The following TENM2 variants were observed in gnomAD, a reference collection of about 807,000 sequenced individuals.
TENM2 encodes teneurin transmembrane protein 2.
In TENM2, 52 loss-of-function variants were observed where a neutral mutation model predicts 245.2. The observed-to-expected ratio is 0.21, with a 90% CI of 0.17 to 0.27. The LOEUF (loss-of-function observed/expected upper bound fraction) is 0.27, where lower values mean the gene tolerates loss of function less well. Among genes scored for constraint, TENM2 ranks in the 10% least tolerant of loss-of-function variants. The probability of loss-of-function intolerance (pLI) is 1.00; values close to 1 mark genes in which losing one functional copy is unlikely to be tolerated. For synonymous variants in TENM2, 1,363 were observed against 1,438.9 expected, an observed-to-expected ratio of 0.95 and a Z score of 1.19; for missense variants, 3,046 against 3,666.8, an observed-to-expected ratio of 0.83 and a Z score of 4.37.
At chr5:167,945,321 CG>C (rs148552714) in intron 3 of TENM2, among the ~76,000 whole-genome samples, 3 of 151,236 alleles carry the variant, frequency 2.0e-5, no homozygotes, top group East Asian at 1.9e-4. Flanking sequence ...ATCAAGCACC[CG>C]GGGGGGGCAC....
intron 2 of TENM2, among the ~76,000 whole-genome samples, chr5:167,410,119 G>A (rs1414783156): frequency 6.6e-6 from 1 of 151,788 alleles, no homozygotes; most frequent in Non-Finnish European, 1.5e-5. Context: ...CAATTTTGTG[G>A]CCAGCATGAA....
chr5:167,767,160 A>G (rs562640967), intron 2 of TENM2, among the ~76,000 whole-genome samples: 2 of 152,364 alleles, frequency 1.3e-5, no homozygotes, highest in Admixed American at 6.5e-5. Flanking sequence ...GTGTTGGTCA[A>G]CAGATGACAG....
intron 2 of TENM2, among the ~76,000 whole-genome samples, chr5:167,688,617 A>G (rs1757228848): frequency 6.6e-6 from 1 of 152,240 alleles, no homozygotes; most frequent in African/African-American, 2.4e-5. Context: ...ACCATGTCCT[A>G]GAAAACTGAA....
intron 7 of TENM2, among the ~76,000 whole-genome samples, chr5:168,070,412 A>T (rs1458217453): frequency 6.6e-6 from 1 of 152,154 alleles, no homozygotes; most frequent in Non-Finnish European, 1.5e-5. Flanking sequence ...TTCCCAGATA[A>T]CTAGATCCTA....
At chr5:167,116,283 G>C in the TENM2 span, 1 of 152,240 alleles carries the variant, frequency 6.6e-6, no homozygotes, top group Non-Finnish European at 1.5e-5. Flanking sequence ...TCAGATTGCC[G>C]TACAGTTCCA....
chr5:168,121,883 C>T (rs959484837), intron 10 of TENM2, among the ~76,000 whole-genome samples: 1 of 152,164 alleles, frequency 6.6e-6, no homozygotes, highest in Non-Finnish European at 1.5e-5. Flanking sequence ...ATTAGAATTT[C>T]AGAATTTCCT....
At chr5:167,582,665 C>T (rs1490138436) in intron 2 of TENM2, among the ~76,000 whole-genome samples, 1 of 152,126 alleles carries the variant, frequency 6.6e-6, no homozygotes, top group African/African-American at 2.4e-5. Flanking sequence ...GATAAATGAA[C>T]ATTTACATGG....
At chr5:167,777,780 A>G (rs1024328522) in intron 2 of TENM2, among the ~76,000 whole-genome samples, 8 of 152,190 alleles carry the variant, frequency 5.3e-5, no homozygotes, top group Non-Finnish European at 1.5e-5. Flanking sequence ...AAAGGGGCTT[A>G]ATTTCTAAAC....
At chr5:168,177,126 T>C (rs1759432865) in intron 13 of TENM2, among the ~76,000 whole-genome samples, 1 of 152,192 alleles carries the variant, frequency 6.6e-6, no homozygotes, top group Non-Finnish European at 1.5e-5. Flanking sequence ...TACAGCTTGC[T>C]GGAGAAGCAT....
At chr5:168,154,164 A>AAAAAAAAAAAAAAAAAAAAAAC (rs1171979738) in intron 12 of TENM2, among the ~76,000 whole-genome samples, 2 of 150,656 alleles carry the variant, frequency 1.3e-5, no homozygotes, top group Admixed American at 6.6e-5. Flanking sequence ...AAAAAAAAAA[A>AAAAAAAAAAAAAAAAAAAAAAC]AACAGTAAGA....
the TENM2 span, among the ~76,000 whole-genome samples, chr5:167,060,122 G>C: frequency 6.6e-6 from 1 of 152,036 alleles, no homozygotes; most frequent in African/African-American, 2.4e-5. Flanking sequence ...CTGCAGCAAT[G>C]GATGTATCTT....
chr5:167,784,273 C>A (rs1457115025), intron 2 of TENM2, among the ~76,000 whole-genome samples: 1 of 152,038 alleles, frequency 6.6e-6, no homozygotes, highest in Non-Finnish European at 1.5e-5. Context: ...AATAGTGATG[C>A]CCTGAAGGGG....
At chr5:168,224,281 G>C (rs1763945436) in intron 23 of TENM2, among the ~76,000 whole-genome samples, 2 of 152,150 alleles carry the variant, frequency 1.3e-5, no homozygotes, top group Admixed American at 1.3e-4. Flanking sequence ...CCCCATGCCT[G>C]GGGCCCTGGG....
At chr5:168,006,330 G>A (rs964065071) in intron 5 of TENM2, among the ~76,000 whole-genome samples, 2 of 152,198 alleles carry the variant, frequency 1.3e-5, no homozygotes, top group Non-Finnish European at 2.9e-5. Context: ...GACTCTGGAA[G>A]GGTCCTGAGG....
Position 167,827,627 on chromosome 5 carries a change from G to GT in TENM2, c.503-48359_503-48358insT, listed in dbSNP as rs1480748821. On this transcript the variant is annotated intron_variant, in intron 2 of 28. Coordinates refer to ENST00000518659, the Ensembl canonical transcript of TENM2. ...TTTATTATGGCAAGGAGCTAGGTGG[G>GT]CGGGGGGGGGGGAACAGTTTAATGA... is the stretch of plus-strand genomic sequence containing the variant. Among the ~76,000 whole-genome samples the GT allele has an allele frequency of 9.0e-4, 100 of 110,670 alleles. 2 individuals carry two copies. The highest frequency in any genetic ancestry group is 2.9e-3 in the African/African-American group (90 of 30,858). The allele number at this position is 110,670 out of a possible 152,430, so 72.6% of individuals were successfully genotyped here.
chr5:168,111,126 C>T (rs996798784), intron 9 of TENM2, among the ~76,000 whole-genome samples: 5 of 152,236 alleles, frequency 3.3e-5, no homozygotes, highest in Admixed American at 6.5e-5. Flanking sequence ...TCCATACTTT[C>T]GTGCTTAAGT....
At chr5:167,994,191 A>G (rs1323136313) in intron 5 of TENM2, among the ~76,000 whole-genome samples, 1 of 152,272 alleles carries the variant, frequency 6.6e-6, no homozygotes, top group Non-Finnish European at 1.5e-5. Flanking sequence ...AGACCTGCCC[A>G]GTTTGGCTGT....
Position 168,228,149 on chromosome 5 carries a change from T to C in TENM2, c.5520+19T>C. 3 of 1,590,024 alleles carry C rather than the reference T, an allele frequency of 1.9e-6. No homozygotes were observed. The highest frequency in any genetic ancestry group is 2.6e-6 in the Non-Finnish European group (3 of 1,160,206). On this transcript the variant is annotated intron_variant, in intron 25 of 28. Coordinates refer to ENST00000518659, the Ensembl canonical transcript of TENM2. ...GCTCCGGGTAAGTGGTTCCACCCAA[T>C]CTGTTACCACAGAGTGGGAGGGGAT...
chr5:167,181,011 C>G, the TENM2 span, among the ~76,000 whole-genome samples: 1 of 151,708 alleles, frequency 6.6e-6, no homozygotes, highest in African/African-American at 2.4e-5. Flanking sequence ...GCAGTTCAAA[C>G]CTGCATTGTT....
Sources: gnomAD v4.1 joint callset for allele counts (sites outside exome capture counted in the v4.1 genomes callset) on GRCh38, gnomAD v4.1.1 for gene constraint, MANE v1.5 for transcripts, NCBI Gene and HGNC (gene_info 2026-07-23, HGNC 2026-07-21) for gene names.